Variants in ECT2L observed in about 807,000 individuals in gnomAD.
ECT2L encodes the protein epithelial cell transforming 2 like.
A neutral mutation model predicts 122.8 loss-of-function variants in ECT2L; 126 were observed. The observed-to-expected ratio is 1.03, with a 90% CI of 0.89 to 1.19. ECT2L has a LOEUF of 1.19. Ranked by LOEUF, ECT2L falls within the 50% of genes most tolerant of loss-of-function variation. The pLI is 0.00. For missense variants in ECT2L, 1,012 were observed against 1,064.1 expected, an observed-to-expected ratio of 0.95 and a Z score of 0.68; for synonymous variants, 385 against 381.8, an observed-to-expected ratio of 1.01 and a Z score of -0.10.
chr6:138,846,645 A>G lies in ECT2L; in HGVS notation c.871A>G (p.Met291Val). 2 of 1,608,248 alleles carry G rather than the reference A, an allele frequency of 1.2e-6. No individual in the cohort carries two copies. The highest frequency in any genetic ancestry group is 1.7e-6 in the Non-Finnish European group (2 of 1,177,760). Residue 291 changes from methionine (M) to valine (V), a missense_variant, in exon 8 of 22, where the codon ATG (methionine) becomes GTG (valine). Met to Val is a conservative substitution (Grantham distance 21). Coordinates refer to ENST00000541398, the MANE Select transcript of ECT2L (RefSeq NM_001077706.3). ...RSSYALRPHF[M>V]LISSRIPAYE... The stretch of plus-strand genomic sequence containing the variant: ...TTCATATGCTCTCCGGCCACACTTC[A>G]TGTTAATATCATCCCGGATTCCTGC...
At chr6:138,803,873 AG>A (rs1775626633) in intron 1 of ECT2L, among the ~76,000 whole-genome samples, 1 of 152,234 alleles carries the variant, frequency 6.6e-6, no homozygotes, top group South Asian at 2.1e-4. Context: ...ATAAGAGCAG[AG>A]GCACTGCAAA....
At chr6:138,899,085 G>A (rs750817050) in intron 20 of ECT2L, among the ~76,000 whole-genome samples, 1 of 150,818 alleles carries the variant, frequency 6.6e-6, no homozygotes, top group East Asian at 1.9e-4. Context: ...TCTGACAGAA[G>A]AACAAATATT....
In ECT2L at chr6:138,810,115, A is replaced by C. The variant is rs1335047007; in HGVS notation, c.-243-2723A>C. Among the ~76,000 whole-genome samples the C allele has an allele frequency of 4.6e-5, 7 of 152,236 alleles. No individual in the cohort carries two copies. In the East Asian group the frequency reaches 1.3e-3, roughly 29 times the overall value. ...TATTACTACAGGCCACGTTTGCCAA[A>C]GTACTAGAAGAAATAGAGGAGCTCA... On this transcript the variant is annotated intron_variant, in intron 1 of 21. Transcript: ENST00000541398.
intron 5 of ECT2L, among the ~76,000 whole-genome samples, chr6:138,841,124 T>C (rs73557253): frequency 0.022 from 3,394 of 152,270 alleles, 141 homozygotes; most frequent in African/African-American, 0.077. Context: ...TTTGCCAAAA[T>C]TTTCTACCTA....
At chr6:138,897,096 T>C (rs973116471) in intron 20 of ECT2L, among the ~76,000 whole-genome samples, 1 of 152,186 alleles carries the variant, frequency 6.6e-6, no homozygotes, top group African/African-American at 2.4e-5. Context: ...AGTAGCTGTG[T>C]TCCATTTTGC....
intron 15 of ECT2L, among the ~76,000 whole-genome samples, chr6:138,881,557 T>C (rs909852758): frequency 2.0e-5 from 3 of 151,606 alleles, no homozygotes; most frequent in African/African-American, 7.3e-5. Flanking sequence ...TATTATATTA[T>C]AATATATAAT....
intron 11 of ECT2L, among the ~76,000 whole-genome samples, chr6:138,863,798 T>G (rs1777925145): frequency 1.3e-5 from 2 of 151,218 alleles, no homozygotes; most frequent in Non-Finnish European, 3.0e-5. Context: ...GTATTTTTAG[T>G]AGAGACGGGG....
At chr6:138,891,512 A>AAGC (rs1779024692) in intron 20 of ECT2L, among the ~76,000 whole-genome samples, 3 of 152,074 alleles carry the variant, frequency 2.0e-5, no homozygotes, top group Admixed American at 2.0e-4. Context: ...AAAGCCAGAT[A>AAGC]CTCCTTTCTA....
chr6:138,841,030 T>C lies in ECT2L; in HGVS notation c.343-1949T>C, dbSNP rs565016699. 2.6e-5 allele frequency among the ~76,000 whole-genome samples: 4 copies of C among 152,326 alleles called. No homozygotes were observed. The East Asian group carries it at 7.7e-4, about 29-fold the overall frequency. ...TTTACTAATTGTTTCTTTAGCTAGA[T>C]TCTAATCTGATCTTAAACCCATCCA... is the stretch of plus-strand genomic sequence containing the variant. On this transcript the variant is annotated intron_variant, in intron 5 of 21. Coordinates refer to ENST00000541398, the MANE Select transcript of ECT2L (RefSeq NM_001077706.3).
Position 138,886,927 on chromosome 6 carries a change from G to A in ECT2L, c.2325+5G>A. The A allele has an allele frequency of 1.2e-6, 2 of 1,609,086 alleles. No homozygotes were observed. Among genetic ancestry groups the A allele is most frequent in the South Asian group, 2.2e-5 (2 of 90,610 alleles). ...AGAATCATCTGGGGATGCCCTGTAT[G>A]TATTCTTAGGAACTTGCTGTATCTC... On this transcript the variant is annotated splice_donor_5th_base_variant and intron_variant, in intron 19 of 21. Transcript: ENST00000541398.
intron 5 of ECT2L, among the ~76,000 whole-genome samples, chr6:138,839,524 C>G (rs1776967880): frequency 6.6e-6 from 1 of 151,984 alleles, no homozygotes; most frequent in Non-Finnish European, 1.5e-5. Context: ...CTACCACGTC[C>G]AGCTAATTTT....
chr6:138,881,245 G>A, intron 15 of ECT2L, 74 bp downstream of exon 15: 2 of 1,440,496 alleles, frequency 1.4e-6, no homozygotes, highest in Non-Finnish European at 1.9e-6. Flanking sequence ...TGTTTCAAAA[G>A]CAGTATGGAG....
At chr6:138,848,618 T>C (rs1325011776) in intron 8 of ECT2L, among the ~76,000 whole-genome samples, 2 of 152,198 alleles carry the variant, frequency 1.3e-5, no homozygotes, top group Non-Finnish European at 2.9e-5. Flanking sequence ...TCAGCTCTAA[T>C]CACTGATAAC....
At position 138,813,250 on chromosome 6, in the gene ECT2L, G is replaced by T. The variant is rs1326398705; in HGVS notation, c.-25G>T. 4 of 1,593,872 alleles carry T rather than the reference G, an allele frequency of 2.5e-6. No individual in the cohort carries two copies. The highest frequency in any genetic ancestry group is 3.4e-6 in the Non-Finnish European group (4 of 1,172,498). On this transcript the variant is annotated 5_prime_UTR_variant, in exon 3 of 22. Transcript: ENST00000541398. ...GAAAATTTGCTGAGACGTCAGCTGG[G>T]GATTCTTCCTGGAGAACTCCAGAAA...
intron 13 of ECT2L, among the ~76,000 whole-genome samples, chr6:138,872,624 T>C (rs549063862): frequency 8.5e-5 from 13 of 152,318 alleles, no homozygotes; most frequent in South Asian, 6.2e-4. Flanking sequence ...CTTTAGCCTA[T>C]GAAAACCTGA....
intron 10 of ECT2L, among the ~76,000 whole-genome samples, chr6:138,862,098 A>G (rs1257923117): frequency 1.3e-5 from 2 of 152,212 alleles, no homozygotes; most frequent in Non-Finnish European, 2.9e-5. Flanking sequence ...GAAGATGAGA[A>G]CTGCTAGTGG....
At chr6:138,824,581 C>A (rs12216467) in intron 4 of ECT2L, among the ~76,000 whole-genome samples, 170 of 116,546 alleles carry the variant, frequency 1.5e-3, no homozygotes, top group Middle Eastern at 9.0e-3. Context: ...AAAACAAAAA[C>A]AAAAAAAACA....
chr6:138,813,724 T>C (rs968839046), intron 3 of ECT2L, among the ~76,000 whole-genome samples: 1 of 152,180 alleles, frequency 6.6e-6, no homozygotes, highest in Admixed American at 6.5e-5. Flanking sequence ...AACTGGATGG[T>C]TCCATGTGGC....
In ECT2L at chr6:138,878,296, CAT is replaced by C. The variant is rs566666771; in HGVS notation, c.1665+1748_1665+1749del. Among the ~76,000 whole-genome samples, 953 of 115,478 alleles carry C rather than the reference CAT, an allele frequency of 8.3e-3. 2 individuals carry two copies. The highest frequency in any genetic ancestry group is 0.015 in the East Asian group (49 of 3,362). The allele number at this position is 115,478 out of a possible 152,430, so 75.8% of individuals were successfully genotyped here. A position where few individuals can be genotyped will look rare whatever the true frequency, so the allele number is the denominator to read the frequency against. The stretch of plus-strand genomic sequence containing the variant: ...AACAAGGTATGCAAGGATTTAGATA[CAT>C]ATATATATACACACACACACACACA... On this transcript the variant is annotated intron_variant, in intron 14 of 21. Coordinates refer to ENST00000541398, the MANE Select transcript of ECT2L (RefSeq NM_001077706.3).
Sources: allele counts gnomAD v4.1 joint callset (sites outside exome capture counted in the v4.1 genomes callset), GRCh38; gene constraint gnomAD v4.1.1; transcripts MANE v1.5; gene names NCBI Gene and HGNC (gene_info 2026-07-23, HGNC 2026-07-21).